Variants in BBOX1 observed in about 807,000 individuals in gnomAD.
The protein encoded by BBOX1 is gamma-butyrobetaine hydroxylase 1.
A neutral mutation model predicts 41.6 loss-of-function variants in BBOX1; 35 were observed. The ratio of observed to expected loss-of-function variants is 0.84; its 90% confidence interval spans 0.64 to 1.11. The LOEUF (loss-of-function observed/expected upper bound fraction) is 1.11, where lower values mean the gene tolerates loss of function less well. BBOX1 is among the 50% of genes most tolerant of loss of function. The probability of loss-of-function intolerance (pLI) is 0.00; values close to 1 mark genes in which losing one functional copy is unlikely to be tolerated. For synonymous variants in BBOX1, 163 were observed against 154.7 expected (o/e 1.05, Z -0.40); for missense variants, 458 against 460.6 (o/e 0.99, Z 0.05).
At chr11:27,061,158 C>T (rs1476468162) in intron 4 of BBOX1, among the ~76,000 whole-genome samples, 1 of 152,070 alleles carries the variant, frequency 6.6e-6, no homozygotes, top group Non-Finnish European at 1.5e-5. Flanking sequence ...TTTATTATTA[C>T]AGCTTAAGCT....
At chr11:27,103,059 G>T (rs1858721822) in intron 5 of BBOX1, among the ~76,000 whole-genome samples, 2 of 151,950 alleles carry the variant, frequency 1.3e-5, no homozygotes, top group South Asian at 4.1e-4. Context: ...GCCTGATGGT[G>T]GGTGCCTATA....
chr11:27,055,706 C>A, intron 3 of BBOX1, 57 bp downstream of exon 3: 1 of 1,485,960 alleles, frequency 6.7e-7, no homozygotes, highest in Non-Finnish European at 9.3e-7. Flanking sequence ...TGGGGCTAGT[C>A]AACAATAATT....
intron 5 of BBOX1, among the ~76,000 whole-genome samples, chr11:27,105,261 G>T (rs1486323694): frequency 6.6e-6 from 1 of 152,164 alleles, no homozygotes; most frequent in African/African-American, 2.4e-5. Context: ...TGAATTGAGA[G>T]AAGATGGCTT....
chr11:27,055,874 T>C (rs1381117986), intron 3 of BBOX1, among the ~76,000 whole-genome samples: 1 of 152,166 alleles, frequency 6.6e-6, no homozygotes, highest in Non-Finnish European at 1.5e-5. Context: ...AAATTTGCAG[T>C]GTTACTTGTC....
chr11:27,060,993 T>C (rs764055016), intron 4 of BBOX1, among the ~76,000 whole-genome samples: 6 of 152,208 alleles, frequency 3.9e-5, no homozygotes, highest in Non-Finnish European at 8.8e-5. Flanking sequence ...CACATCGCAG[T>C]GTCACAAATG....
At chr11:27,083,667 T>C (rs1486046350) in intron 4 of BBOX1, among the ~76,000 whole-genome samples, 1 of 152,194 alleles carries the variant, frequency 6.6e-6, no homozygotes, top group Non-Finnish European at 1.5e-5. Context: ...CCCCATTTGT[T>C]ACCCTCATAG....
chr11:27,117,364 ATAAAT>A (rs779591946), intron 6 of BBOX1, among the ~76,000 whole-genome samples: 1 of 152,006 alleles, frequency 6.6e-6, no homozygotes, highest in Non-Finnish European at 1.5e-5. Context: ...TTTACATGTT[ATAAAT>A]TATTTTGTTG....
chr11:27,067,183 G>A (rs1310371769), intron 4 of BBOX1, among the ~76,000 whole-genome samples: 1 of 152,098 alleles, frequency 6.6e-6, no homozygotes. Context: ...CAGCAACTCT[G>A]AGAGTTTTCT....
intron 5 of BBOX1, among the ~76,000 whole-genome samples, chr11:27,111,585 G>A (rs1455839024): frequency 6.6e-6 from 1 of 151,698 alleles, no homozygotes; most frequent in Non-Finnish European, 1.5e-5. Flanking sequence ...TCACAATTTT[G>A]TGCAAATACC....
intron 4 of BBOX1, among the ~76,000 whole-genome samples, chr11:27,058,601 A>T (rs1237443020): frequency 6.6e-6 from 1 of 152,212 alleles, no homozygotes; most frequent in Non-Finnish European, 1.5e-5. Flanking sequence ...CTGATGAGTT[A>T]TCAGATGGAA....
At chr11:27,042,069 T>G (rs1851360436) in intron 2 of BBOX1, among the ~76,000 whole-genome samples, 1 of 152,196 alleles carries the variant, frequency 6.6e-6, no homozygotes. Context: ...AGGTATGGAT[T>G]TGATTAAAAA....
At chr11:27,042,950 T>C (rs528241929) in intron 2 of BBOX1, among the ~76,000 whole-genome samples, 26 of 152,328 alleles carry the variant, frequency 1.7e-4, no homozygotes, top group East Asian at 9.6e-4. Context: ...TAAGCCTTCA[T>C]GGTGTAATGT....
In BBOX1 at chr11:27,119,855, A is replaced by G; in HGVS notation, c.836+10A>G. On this transcript the variant is annotated intron_variant, in intron 7 of 8. Transcript: ENST00000263182. Reference sequence around the variant, plus strand: ...AACATAAAATTATAGAGTAAGTACTATTTATAAATTTCCCATAGCAATAAA... The same window carrying G: ...AACATAAAATTATAGAGTAAGTACTGTTTATAAATTTCCCATAGCAATAAA... 1 of 1,342,554 alleles carries G rather than the reference A, an allele frequency of 7.4e-7. No individual in the cohort carries two copies. Among genetic ancestry groups the G allele is most frequent in the Non-Finnish European group, 9.8e-7 (1 of 1,022,710 alleles). 83.2% of individuals were successfully genotyped at this position (1,342,554 alleles called of 1,614,324 possible). A position where few individuals can be genotyped will look rare whatever the true frequency, so the allele number is the denominator to read the frequency against.
chr11:27,093,072 C>T (rs1858306258), intron 4 of BBOX1, 96 bp from the exon 5 acceptor site: 1 of 1,181,762 alleles, frequency 8.5e-7, no homozygotes, highest in Non-Finnish European at 1.2e-6. Flanking sequence ...TATAAATCAA[C>T]AATCAACTTT....
chr11:27,126,580 G>A (rs921727616), intron 8 of BBOX1, among the ~76,000 whole-genome samples: 20 of 151,986 alleles, frequency 1.3e-4, no homozygotes, highest in African/African-American at 4.6e-4. Context: ...AAATAATGTG[G>A]CATAAAATAC....
rs770643550 is a variant in BBOX1 at position 27,115,602 on chromosome 11, A to G, written c.639+45A>G. The G allele has an allele frequency of 2.2e-5, 33 of 1,504,642 alleles. No homozygotes were observed. In the Admixed American group the frequency reaches 5.6e-4, roughly 25 times the overall value. 93.2% of individuals were successfully genotyped at this position (1,504,642 alleles called of 1,614,324 possible). On this transcript the variant is annotated intron_variant, in intron 6 of 8. Coordinates refer to ENST00000263182, the MANE Select transcript of BBOX1 (RefSeq NM_003986.3). ...TTTTCCACAAAGCATGATGATGACC[A>G]GTATCTTTTCGTATTTTGAGTCTAG...
intron 4 of BBOX1, among the ~76,000 whole-genome samples, chr11:27,069,623 G>A (rs1857384274): frequency 6.6e-6 from 1 of 152,066 alleles, no homozygotes. Context: ...TAGAACTGGT[G>A]AAAGCGGGCA....
chr11:27,125,935 C>A, intron 8 of BBOX1, 115 bp downstream of exon 8: 1 of 1,130,942 alleles, frequency 8.8e-7, no homozygotes, highest in Non-Finnish European at 1.2e-6. Flanking sequence ...ACACCAACAA[C>A]AGAATCTTGG....
intron 6 of BBOX1, among the ~76,000 whole-genome samples, chr11:27,116,447 A>G (rs958372362): frequency 2.1e-5 from 3 of 141,480 alleles, no homozygotes; most frequent in African/African-American, 8.0e-5. Flanking sequence ...CATTCTGCAC[A>G]TGTATCCCAG....
Sources: gnomAD v4.1 joint callset for allele counts (sites outside exome capture counted in the v4.1 genomes callset) on GRCh38, gnomAD v4.1.1 for gene constraint, MANE v1.5 for transcripts, NCBI Gene and HGNC (gene_info 2026-07-23, HGNC 2026-07-21) for gene names.